Variants in PRKG1 observed in about 807,000 individuals in gnomAD.
PRKG1 encodes cGMP-dependent protein kinase 1.
PRKG1 carries 35 observed loss-of-function variants against 88.1 expected under a neutral mutation model. The observed-to-expected ratio is 0.40, with a 90% CI of 0.30 to 0.53. The LOEUF (loss-of-function observed/expected upper bound fraction) is 0.53. Among genes scored for constraint, PRKG1 ranks in the 20% least tolerant of loss-of-function variants. The pLI, the probability that PRKG1 is intolerant of heterozygous loss-of-function variation, is 0.59. For missense variants in PRKG1, 540 were observed against 839.8 expected (o/e 0.64, Z 4.41); for synonymous variants, 303 against 292.5 (o/e 1.04, Z -0.37).
At chr10:51,867,522 G>A (rs1402861486) in intron 4 of PRKG1, among the ~76,000 whole-genome samples, 1 of 152,148 alleles carries the variant, frequency 6.6e-6, no homozygotes, top group African/African-American at 2.4e-5. Flanking sequence ...TACACAGATG[G>A]ATTGGAGAAA....
chr10:51,753,939 G>A (rs968967657), intron 3 of PRKG1, among the ~76,000 whole-genome samples: 29 of 151,926 alleles, frequency 1.9e-4, no homozygotes, highest in African/African-American at 6.5e-4. Context: ...GTCTTTGATC[G>A]TTTTGTTGTT....
At chr10:51,421,340 T>C (rs1838412249) in intron 2 of PRKG1, among the ~76,000 whole-genome samples, 1 of 152,128 alleles carries the variant, frequency 6.6e-6, no homozygotes, top group Non-Finnish European at 1.5e-5. Context: ...GCCTAGCTAA[T>C]TTTTTAAAAA....
At chr10:51,095,950 TTG>T (rs1844517345) in intron 1 of PRKG1, among the ~76,000 whole-genome samples, 1 of 152,198 alleles carries the variant, frequency 6.6e-6, no homozygotes, top group South Asian at 2.1e-4. Flanking sequence ...TTTTTACCTC[TTG>T]TTTCAGAGAT....
chr10:52,164,043 T>C (rs1838358568), intron 9 of PRKG1, among the ~76,000 whole-genome samples: 1 of 152,092 alleles, frequency 6.6e-6, no homozygotes, highest in African/African-American at 2.4e-5. Context: ...TGTGTAAAAA[T>C]ACTTTGTAAA....
chr10:51,501,509 A>T (rs1488182926), intron 3 of PRKG1, among the ~76,000 whole-genome samples: 4 of 152,054 alleles, frequency 2.6e-5, no homozygotes, highest in Non-Finnish European at 5.9e-5. Context: ...GTCTAATGGG[A>T]GTGCTATGCT....
At chr10:51,937,961 A>T (rs1181295737) in intron 5 of PRKG1, among the ~76,000 whole-genome samples, 1 of 152,074 alleles carries the variant, frequency 6.6e-6, no homozygotes, top group Non-Finnish European at 1.5e-5. Flanking sequence ...GCATATCCAT[A>T]CTTATACGCT....
At chr10:52,157,306 G>GAGATATATAT (rs1289803162) in intron 8 of PRKG1, among the ~76,000 whole-genome samples, 4,085 of 125,386 alleles carry the variant, frequency 0.033, 129 homozygotes, top group East Asian at 0.089. Context: ...TGAGTTAGTT[G>GAGATATATAT]ATATATATAT....
intron 3 of PRKG1, among the ~76,000 whole-genome samples, chr10:51,581,001 G>T (rs1838018043): frequency 6.7e-6 from 1 of 148,404 alleles, no homozygotes; most frequent in Non-Finnish European, 1.5e-5. Context: ...GTGAAAGCTG[G>T]GTCCAGGGGG....
intron 2 of PRKG1, among the ~76,000 whole-genome samples, chr10:51,463,688 G>A (rs1250442967): frequency 6.6e-6 from 1 of 152,186 alleles, no homozygotes; most frequent in Non-Finnish European, 1.5e-5. Context: ...TTGTAAATGT[G>A]TAATCACTTC....
At chr10:51,308,003 TAAATC>T (rs1297302769) in intron 2 of PRKG1, among the ~76,000 whole-genome samples, 10 of 152,142 alleles carry the variant, frequency 6.6e-5, no homozygotes, top group Non-Finnish European at 7.4e-5. Flanking sequence ...ATTTCCCTCT[TAAATC>T]AAATAAAAGT....
At chr10:52,191,894 A>G (rs1564510653) in intron 9 of PRKG1, among the ~76,000 whole-genome samples, 1 of 152,030 alleles carries the variant, frequency 6.6e-6, no homozygotes, top group Non-Finnish European at 1.5e-5. Flanking sequence ...CCATCTATTA[A>G]TTGGAATTCT....
intron 1 of PRKG1, among the ~76,000 whole-genome samples, chr10:51,045,822 A>G (rs1385134928): frequency 6.6e-6 from 1 of 152,228 alleles, no homozygotes; most frequent in Non-Finnish European, 1.5e-5. Context: ...TTAACCATAC[A>G]TAACTTAATA....
At chr10:51,538,678 A>G (rs1842226049) in intron 3 of PRKG1, among the ~76,000 whole-genome samples, 1 of 151,348 alleles carries the variant, frequency 6.6e-6, no homozygotes, top group Non-Finnish European at 1.5e-5. Flanking sequence ...TGAAAAAAAA[A>G]AAAACAAATC....
At chr10:51,016,860 G>A (rs191733667) in intron 1 of PRKG1, among the ~76,000 whole-genome samples, 380 of 150,640 alleles carry the variant, frequency 2.5e-3, no homozygotes, top group Admixed American at 4.0e-3. Flanking sequence ...GTAGAGATGA[G>A]ATTTTACCAT....
At chr10:51,604,524 C>T (rs748152673) in intron 3 of PRKG1, among the ~76,000 whole-genome samples, 5 of 152,150 alleles carry the variant, frequency 3.3e-5, no homozygotes, top group Middle Eastern at 3.2e-3. Flanking sequence ...CATGGGCTCT[C>T]GCCACACAGA....
chr10:52,029,841 G>A (rs1043666987), intron 5 of PRKG1, among the ~76,000 whole-genome samples: 3 of 152,022 alleles, frequency 2.0e-5, no homozygotes, highest in Non-Finnish European at 4.4e-5. Context: ...GCTGCGTGCT[G>A]GACATGTGGA....
rs114604584 is a variant in PRKG1 at position 51,926,378 on chromosome 10, G to A, written c.762+18808G>A. The stretch of plus-strand genomic sequence containing the variant: ...AATAGCCTCTGTAGATATTTGACCC[G>A]TAGCAGAATTGATTCAGCAAGCTTT... On this transcript the variant is annotated intron_variant, in intron 5 of 17. Coordinates refer to ENST00000373980, the MANE Select transcript of PRKG1 (RefSeq NM_006258.4). Among the ~76,000 whole-genome samples, 1,016 of 152,262 alleles carry A rather than the reference G, an allele frequency of 6.7e-3. 10 individuals are homozygous for A. Among genetic ancestry groups the A allele is most frequent in the African/African-American group, 0.023 (971 of 41,526 alleles).
At chr10:51,543,603 G>T (rs1842368416) in intron 3 of PRKG1, among the ~76,000 whole-genome samples, 1 of 152,218 alleles carries the variant, frequency 6.6e-6, no homozygotes, top group Non-Finnish European at 1.5e-5. Flanking sequence ...GCAGCCACCA[G>T]TTGTGCAGAA....
intron 7 of PRKG1, among the ~76,000 whole-genome samples, chr10:52,095,086 T>A (rs539117097): frequency 6.6e-6 from 1 of 152,276 alleles, no homozygotes; most frequent in Non-Finnish European, 1.5e-5. Context: ...GGCCCCACAC[T>A]ATCTGCACCT....
Sources: allele counts gnomAD v4.1 joint callset (sites outside exome capture counted in the v4.1 genomes callset), GRCh38; gene constraint gnomAD v4.1.1; transcripts MANE v1.5; gene names NCBI Gene and HGNC (gene_info 2026-07-23, HGNC 2026-07-21).